CCSER1: variants seen among roughly 807,000 people sequenced by gnomAD.
CCSER1 encodes serine-rich coiled-coil domain-containing protein 1.
In CCSER1, 41 loss-of-function variants were observed where a neutral mutation model predicts 82.0. The ratio of observed to expected loss-of-function variants is 0.50; its 90% CI spans 0.39 to 0.65. CCSER1 has a LOEUF of 0.65. Among genes scored for constraint, CCSER1 ranks in the 30% least tolerant of loss-of-function variants. The probability of loss-of-function intolerance (pLI) is 0.00; values close to 1 mark genes in which losing one functional copy is unlikely to be tolerated. For missense variants in CCSER1, 1,119 were observed against 1,064.2 expected (o/e 1.05, Z -0.72); for synonymous variants, 414 against 383.9 (o/e 1.08, Z -0.92).
At chr4:91,294,370 A>G (rs530298461) in intron 10 of CCSER1, among the ~76,000 whole-genome samples, 8 of 151,902 alleles carry the variant, frequency 5.3e-5, no homozygotes, top group Admixed American at 2.0e-4. Context: ...ACGTTATTTA[A>G]TCTTCCTGAT....
intron 9 of CCSER1, among the ~76,000 whole-genome samples, chr4:91,076,346 A>G (rs953927972): frequency 6.7e-6 from 1 of 149,908 alleles, no homozygotes; most frequent in African/African-American, 2.5e-5. Flanking sequence ...TTTTTTTTCC[A>G]CTAAATGCTT....
intron 4 of CCSER1, among the ~76,000 whole-genome samples, chr4:90,410,285 T>C (rs1240204034): frequency 6.6e-6 from 1 of 152,146 alleles, no homozygotes. Context: ...GTGGACCTAA[T>C]AGTCATCTGC....
At position 91,182,724 on chromosome 4, in the gene CCSER1, C is replaced by G. The variant is rs114065691; in HGVS notation, c.2217+96730C>G. Among the ~76,000 whole-genome samples, 3 of 152,134 alleles carry G rather than the reference C, an allele frequency of 2.0e-5. No individual in the cohort carries two copies. In the South Asian group the frequency reaches 6.2e-4, roughly 32 times the overall value. On this transcript the variant is annotated intron_variant, in intron 10 of 10. Transcript: ENST00000509176. ...TGCAAAAGATGACACTTAACACAGG[C>G]GGAAGACTCTCCTATTTGATGTGTA...
intron 10 of CCSER1, among the ~76,000 whole-genome samples, chr4:91,383,065 A>G (rs1032686439): frequency 6.6e-6 from 1 of 152,070 alleles, no homozygotes; most frequent in Non-Finnish European, 1.5e-5. Flanking sequence ...TAATGATATT[A>G]CACATTCAGT....
chr4:90,221,195 G>C (rs188133890), intron 1 of CCSER1, among the ~76,000 whole-genome samples: 70 of 152,178 alleles, frequency 4.6e-4, no homozygotes, highest in Non-Finnish European at 6.3e-4. Flanking sequence ...AGTTTCCGTG[G>C]AAATATGCTT....
chr4:91,557,989 T>A (rs552569441), intron 10 of CCSER1, among the ~76,000 whole-genome samples: 2 of 151,126 alleles, frequency 1.3e-5, no homozygotes, highest in Non-Finnish European at 3.0e-5. Context: ...ATGGGGTAAA[T>A]TAAAATACAA....
chr4:91,315,150 AGTGTGTGTGTGTGT>A (rs67135461), intron 10 of CCSER1, among the ~76,000 whole-genome samples: 1 of 149,682 alleles, frequency 6.7e-6, no homozygotes, highest in East Asian at 2.0e-4. Flanking sequence ...CGTGTGTGCA[AGTGTGTGTGTGTGT>A]GTGTGTGTGT....
intron 1 of CCSER1, among the ~76,000 whole-genome samples, chr4:90,184,756 C>T (rs1734312665): frequency 6.6e-6 from 1 of 151,878 alleles, no homozygotes; most frequent in African/African-American, 2.4e-5. Context: ...AACTCTGAAA[C>T]AAGGAATGGC....
At chr4:90,345,007 C>T (rs1471838283) in intron 3 of CCSER1, among the ~76,000 whole-genome samples, 1 of 151,972 alleles carries the variant, frequency 6.6e-6, no homozygotes, top group Non-Finnish European at 1.5e-5. Context: ...CCATGTTTGA[C>T]AGTTTGCTCA....
intron 4 of CCSER1, among the ~76,000 whole-genome samples, chr4:90,448,267 T>G (rs1011191807): frequency 3.3e-5 from 5 of 151,684 alleles, no homozygotes; most frequent in African/African-American, 1.2e-4. Flanking sequence ...TATCTTATGT[T>G]TGGATAATTC....
At chr4:90,536,512 T>G (rs1775388976) in intron 5 of CCSER1, among the ~76,000 whole-genome samples, 1 of 152,204 alleles carries the variant, frequency 6.6e-6, no homozygotes, top group Non-Finnish European at 1.5e-5. Context: ...TGTCTGATTA[T>G]TGTACTCTAG....
intron 8 of CCSER1, among the ~76,000 whole-genome samples, chr4:90,898,938 G>C (rs1336446175): frequency 1.3e-5 from 2 of 151,768 alleles, no homozygotes; most frequent in African/African-American, 4.8e-5. Flanking sequence ...GCATTTTTTG[G>C]TTCCATGTTA....
At chr4:91,528,531 T>G (rs536708942) in intron 10 of CCSER1, among the ~76,000 whole-genome samples, 2 of 152,298 alleles carry the variant, frequency 1.3e-5, no homozygotes, top group East Asian at 3.9e-4. Context: ...TCCTCGGGAC[T>G]ACATGTTAGG....
chr4:90,901,054 T>A (rs950288336), intron 8 of CCSER1, among the ~76,000 whole-genome samples: 2 of 151,924 alleles, frequency 1.3e-5, no homozygotes, highest in Non-Finnish European at 2.9e-5. Context: ...TTGACTTTTT[T>A]TAAAAAAACT....
At chr4:90,723,165 CCTACTAT>C (rs555997029) in intron 6 of CCSER1, among the ~76,000 whole-genome samples, 168 of 152,062 alleles carry the variant, frequency 1.1e-3, no homozygotes, top group African/African-American at 4.0e-3. Flanking sequence ...TCTGTTGCTA[CCTACTAT>C]TAGTATATTT....
chr4:90,180,016 A>G (rs968931410), intron 1 of CCSER1, among the ~76,000 whole-genome samples: 5 of 151,998 alleles, frequency 3.3e-5, no homozygotes, highest in Non-Finnish European at 4.4e-5. Context: ...AGATTAAAAA[A>G]TAGACTAAAT....
At chr4:91,295,808 A>G (rs1744113161) in intron 10 of CCSER1, among the ~76,000 whole-genome samples, 1 of 151,894 alleles carries the variant, frequency 6.6e-6, no homozygotes, top group African/African-American at 2.4e-5. Flanking sequence ...ACCATGAATC[A>G]GCCTCCTGTG....
chr4:91,165,959 T>G (rs550153868), intron 10 of CCSER1, among the ~76,000 whole-genome samples: 1 of 152,216 alleles, frequency 6.6e-6, no homozygotes, highest in Non-Finnish European at 1.5e-5. Context: ...CCAGTCCCAG[T>G]GAGATGAACC....
At chr4:90,578,882 G>A (rs1031286104) in intron 5 of CCSER1, among the ~76,000 whole-genome samples, 1 of 152,048 alleles carries the variant, frequency 6.6e-6, no homozygotes, top group Non-Finnish European at 1.5e-5. Context: ...CCTTGAGGTA[G>A]ACATGACAGG....
Sources: gnomAD v4.1 joint callset for allele counts (sites outside exome capture counted in the v4.1 genomes callset) on GRCh38, gnomAD v4.1.1 for gene constraint, MANE v1.5 for transcripts, NCBI Gene and HGNC (gene_info 2026-07-23, HGNC 2026-07-21) for gene names.